Variants in ZNF536 observed in about 807,000 individuals in gnomAD.
ZNF536 encodes zinc finger protein 536.
A neutral mutation model predicts 84.5 loss-of-function variants in ZNF536; 13 were observed. The ratio of observed to expected loss-of-function variants is 0.15; its 90% CI spans 0.10 to 0.24. The LOEUF is 0.24. Ranked by LOEUF, ZNF536 falls within the 10% of genes least tolerant of loss-of-function variation. ZNF536 has a pLI of 1.00. For missense variants in ZNF536, 1,536 were observed against 1,747.5 expected, an observed-to-expected ratio of 0.88 and a Z score of 2.16; for synonymous variants, 811 against 742.5, an observed-to-expected ratio of 1.09 and a Z score of -1.50.
intron 2 of ZNF536, among the ~76,000 whole-genome samples, chr19:30,335,422 G>A (rs1183346017): frequency 6.6e-6 from 1 of 152,068 alleles, no homozygotes; most frequent in East Asian, 1.9e-4. Context: ...CCTGTCTCAC[G>A]AGCATGTCAT....
At chr19:30,281,161 C>G (rs1038738827) in intron 1 of ZNF536, among the ~76,000 whole-genome samples, 8 of 152,176 alleles carry the variant, frequency 5.3e-5, no homozygotes, top group Non-Finnish European at 1.0e-4. Context: ...CACTCCTGCT[C>G]TTGTCTCCCC....
intron 1 of ZNF536, among the ~76,000 whole-genome samples, chr19:30,654,990 T>G (rs1000243320): frequency 2.0e-5 from 3 of 152,246 alleles, no homozygotes; most frequent in Non-Finnish European, 2.9e-5. Flanking sequence ...AGCTGTCACC[T>G]GCACAGTGAA....
intron 1 of ZNF536, among the ~76,000 whole-genome samples, chr19:30,251,762 T>G (rs757107384): frequency 1.8e-4 from 28 of 152,294 alleles, no homozygotes; most frequent in Admixed American, 9.8e-4. Flanking sequence ...GTCCCCAAGG[T>G]CCATTGTGCC....
intron 2 of ZNF536, among the ~76,000 whole-genome samples, chr19:30,456,375 C>T (rs997864106): frequency 6.1e-5 from 9 of 147,644 alleles, no homozygotes; most frequent in Non-Finnish European, 1.3e-4. Flanking sequence ...GCATTTGTGA[C>T]CTCATCGATC....
At chr19:30,460,355 T>C (rs1257117065) in intron 2 of ZNF536, among the ~76,000 whole-genome samples, 1 of 152,044 alleles carries the variant, frequency 6.6e-6, no homozygotes, top group Non-Finnish European at 1.5e-5. Flanking sequence ...AACTAAATGG[T>C]GTCCAAAATG....
At chr19:30,463,139 A>T (rs1375385690) in intron 2 of ZNF536, among the ~76,000 whole-genome samples, 1 of 152,150 alleles carries the variant, frequency 6.6e-6, no homozygotes, top group Non-Finnish European at 1.5e-5. Flanking sequence ...CTGTGTTGGC[A>T]TGGATTGGGG....
At chr19:30,616,774 CA>C (rs1023401951) in intron 1 of ZNF536, among the ~76,000 whole-genome samples, 1 of 152,054 alleles carries the variant, frequency 6.6e-6, no homozygotes, top group Admixed American at 6.5e-5. Flanking sequence ...GTGAAAACAC[CA>C]GGGCCTGGTG....
At chr19:30,453,337 T>C (rs977034436) in intron 2 of ZNF536, among the ~76,000 whole-genome samples, 2 of 152,204 alleles carry the variant, frequency 1.3e-5, no homozygotes, top group South Asian at 4.1e-4. Context: ...GGCTCTTTGC[T>C]GTCTGTGGGG....
At chr19:30,394,842 A>G (rs1173188356) in intron 1 of ZNF536, among the ~76,000 whole-genome samples, 1 of 152,180 alleles carries the variant, frequency 6.6e-6, no homozygotes, top group Non-Finnish European at 1.5e-5. Context: ...GGCCTTGATG[A>G]AGGATTTTAG....
chr19:30,409,394 T>C (rs1478973140), intron 1 of ZNF536, among the ~76,000 whole-genome samples: 45 of 152,304 alleles, frequency 3.0e-4, no homozygotes. Flanking sequence ...TCTTTTCTTA[T>C]GTTGTTATCC....
intron 1 of ZNF536, among the ~76,000 whole-genome samples, chr19:30,436,005 A>C (rs534108022): frequency 3.3e-5 from 5 of 152,274 alleles, no homozygotes; most frequent in African/African-American, 9.6e-5. Context: ...TCCAGGGAGA[A>C]GACATTCAAA....
At chr19:30,687,514 C>A (rs184991580) in intron 1 of ZNF536, among the ~76,000 whole-genome samples, 20 of 152,162 alleles carry the variant, frequency 1.3e-4, no homozygotes, top group Admixed American at 2.0e-4. Flanking sequence ...GTAAGCCCTT[C>A]CCATACAAAA....
At chr19:30,309,039 T>G (rs542527241) in intron 2 of ZNF536, among the ~76,000 whole-genome samples, 1 of 151,982 alleles carries the variant, frequency 6.6e-6, no homozygotes, top group Non-Finnish European at 1.5e-5. Context: ...AGCAAGACTT[T>G]CCCACCCTGG....
intron 1 of ZNF536, among the ~76,000 whole-genome samples, chr19:30,241,584 T>A (rs1173161570): frequency 2.2e-4 from 33 of 152,128 alleles, no homozygotes; most frequent in Admixed American, 2.2e-3. Flanking sequence ...TAGGTCTGTC[T>A]AAGGAGCAGC....
intron 1 of ZNF536, among the ~76,000 whole-genome samples, chr19:30,397,169 A>G (rs1401672981): frequency 6.6e-6 from 1 of 152,136 alleles, no homozygotes; most frequent in Non-Finnish European, 1.5e-5. Flanking sequence ...CCTGTCCCTG[A>G]GTTTGTGTTC....
At position 30,548,511 on chromosome 19, in the gene ZNF536, C is replaced by A. The variant is rs1190340274; in HGVS notation, c.2892C>A (p.Ser964=). The change falls in exon 4 of 5, where the codon TCC becomes TCA. Residue 964 remains serine (S), a synonymous_variant. Transcript: ENST00000355537. ...AGGAGAAACCCAGTGGCAAGTCCTC[C>A]CAGAGGAAGTCCGAGAAATCTCAGT... ...GGEEKPSGKS[S]QRKSEKSQYE... 2 of 1,614,152 alleles carry A rather than the reference C, an allele frequency of 1.2e-6. No homozygotes were observed. The highest frequency in any genetic ancestry group is 1.7e-6 in the Non-Finnish European group (2 of 1,180,042).
intron 2 of ZNF536, among the ~76,000 whole-genome samples, chr19:30,311,381 A>G (rs986169119): frequency 6.6e-6 from 1 of 152,246 alleles, no homozygotes; most frequent in African/African-American, 2.4e-5. Flanking sequence ...GTGGCGAAGT[A>G]GAAGAAAGTT....
chr19:30,334,082 A>G (rs1240406687), intron 2 of ZNF536, among the ~76,000 whole-genome samples: 1 of 152,212 alleles, frequency 6.6e-6, no homozygotes, highest in Admixed American at 6.5e-5. Context: ...TTGGTGACAG[A>G]CCCAAAACTT....
intron 2 of ZNF536, among the ~76,000 whole-genome samples, chr19:30,516,580 G>T (rs1379993304): frequency 6.6e-6 from 1 of 152,186 alleles, no homozygotes. Flanking sequence ...CCACGGAAAG[G>T]TCAACCCACA....
Sources: gnomAD v4.1 joint callset for allele counts (sites outside exome capture counted in the v4.1 genomes callset) on GRCh38, gnomAD v4.1.1 for gene constraint, MANE v1.5 for transcripts, NCBI Gene and HGNC (gene_info 2026-07-23, HGNC 2026-07-21) for gene names.